The following PCDH9 variants were observed in gnomAD, a reference collection of about 807,000 sequenced individuals.
The protein encoded by PCDH9 is protocadherin-9.
Under a neutral mutation model 70.6 loss-of-function variants are expected in PCDH9, and 24 were observed. That is an observed-to-expected ratio of 0.34 (90% CI 0.25 to 0.48). PCDH9 has a LOEUF of 0.48. Ranked by LOEUF, PCDH9 falls within the 20% of genes least tolerant of loss-of-function variation. The probability of loss-of-function intolerance (pLI) is 0.99; values close to 1 mark genes in which losing one functional copy is unlikely to be tolerated. For missense variants in PCDH9, 1,281 were observed against 1,503.6 expected (o/e 0.85, Z 2.45); for synonymous variants, 562 against 558.5 (o/e 1.01, Z -0.09).
chr13:67,139,576 C>T (rs531591782), intron 2 of PCDH9, among the ~76,000 whole-genome samples: 12 of 152,252 alleles, frequency 7.9e-5, no homozygotes, highest in African/African-American at 2.6e-4. Flanking sequence ...TGTAAGATTT[C>T]GAACATATCT....
At position 67,062,296 on chromosome 13, in the gene PCDH9, C is replaced by T. The variant is rs558530777; in HGVS notation, c.3037-158691G>A. The stretch of plus-strand genomic sequence containing the variant: ...AAGCTTGTGACCTGTGTCCCAAATC[C>T]CTCAACATATTACAGGAAAAATTCC... On this transcript the variant is annotated intron_variant, in intron 2 of 4. Transcript: ENST00000377865. 3.3e-5 allele frequency among the ~76,000 whole-genome samples: 5 copies of T among 152,180 alleles called. No individual in the cohort carries two copies. In the South Asian group the frequency reaches 1.0e-3, roughly 32 times the overall value.
chr13:66,390,254 A>G (rs1228414735), intron 4 of PCDH9, among the ~76,000 whole-genome samples: 1 of 152,154 alleles, frequency 6.6e-6, no homozygotes, highest in African/African-American at 2.4e-5. Flanking sequence ...GTTACCATTA[A>G]TCTGAGAGAT....
At chr13:67,207,144 C>G (rs971442947) in intron 2 of PCDH9, 10 of 88,110 alleles carry the variant, frequency 1.1e-4, no homozygotes, top group Non-Finnish European at 2.2e-4. Flanking sequence ...AATAATGAAG[C>G]AAAAAAAAAA....
chr13:66,591,259 G>C (rs907130138), intron 4 of PCDH9, among the ~76,000 whole-genome samples: 5 of 151,510 alleles, frequency 3.3e-5, no homozygotes, highest in East Asian at 1.9e-4. Flanking sequence ...TGATATATTG[G>C]TTTACACAGA....
At chr13:66,393,760 G>A (rs1957058135) in intron 4 of PCDH9, among the ~76,000 whole-genome samples, 1 of 152,190 alleles carries the variant, frequency 6.6e-6, no homozygotes, top group Admixed American at 6.5e-5. Flanking sequence ...GTTTCCAGAG[G>A]TGATGCTTGA....
chr13:67,110,906 T>C (rs1470606133), intron 2 of PCDH9, among the ~76,000 whole-genome samples: 1 of 152,228 alleles, frequency 6.6e-6, no homozygotes, highest in Non-Finnish European at 1.5e-5. Context: ...TATCTGAAAT[T>C]ATACAAATTA....
chr13:66,575,556 G>A (rs1377211723), intron 4 of PCDH9, among the ~76,000 whole-genome samples: 2 of 152,192 alleles, frequency 1.3e-5, no homozygotes, highest in East Asian at 1.9e-4. Flanking sequence ...CAGTGAGTAC[G>A]CTCCAAACAC....
intron 4 of PCDH9, among the ~76,000 whole-genome samples, chr13:66,312,453 A>T (rs1016505887): frequency 2.0e-5 from 3 of 152,080 alleles, no homozygotes; most frequent in Non-Finnish European, 4.4e-5. Flanking sequence ...TCTACAAAAA[A>T]TACAAATATT....
At chr13:66,604,502 A>G (rs796074354) in intron 4 of PCDH9, among the ~76,000 whole-genome samples, 31 of 152,176 alleles carry the variant, frequency 2.0e-4, no homozygotes, top group African/African-American at 6.5e-4. Flanking sequence ...TTTCAGGTAC[A>G]TTTTAGATAT....
At chr13:66,875,432 T>C (rs990012128) in intron 3 of PCDH9, among the ~76,000 whole-genome samples, 5 of 152,198 alleles carry the variant, frequency 3.3e-5, no homozygotes. Flanking sequence ...ATCCCGCTGT[T>C]AGGTAAACAT....
At chr13:66,595,035 C>G (rs1360851226) in intron 4 of PCDH9, among the ~76,000 whole-genome samples, 1 of 150,328 alleles carries the variant, frequency 6.7e-6, no homozygotes, top group Non-Finnish European at 1.5e-5. Flanking sequence ...TTTTCTTTTC[C>G]CTCTCTAAAA....
intron 4 of PCDH9, among the ~76,000 whole-genome samples, chr13:66,326,836 T>C (rs1174865329): frequency 6.6e-6 from 1 of 150,686 alleles, no homozygotes; most frequent in Admixed American, 6.6e-5. Context: ...GAATTTAAGT[T>C]TAAAAAACTA....
At chr13:66,989,505 C>G (rs988413682) in intron 2 of PCDH9, among the ~76,000 whole-genome samples, 34 of 151,846 alleles carry the variant, frequency 2.2e-4, no homozygotes, top group African/African-American at 7.5e-4. Context: ...CTAATTTTAT[C>G]AAGTAATGAA....
chr13:66,915,912 G>A (rs1039495447), intron 2 of PCDH9, among the ~76,000 whole-genome samples: 2 of 151,564 alleles, frequency 1.3e-5, no homozygotes, highest in Non-Finnish European at 3.0e-5. Flanking sequence ...TGGAAACAGG[G>A]CTTGAAAATT....
chr13:67,000,032 C>A (rs1009833411), intron 2 of PCDH9, among the ~76,000 whole-genome samples: 4 of 152,074 alleles, frequency 2.6e-5, no homozygotes, highest in Admixed American at 2.0e-4. Flanking sequence ...CACATGCACA[C>A]GTATGTTTAT....
chr13:66,324,193 G>C (rs1172992785), intron 4 of PCDH9, among the ~76,000 whole-genome samples: 2 of 152,028 alleles, frequency 1.3e-5, no homozygotes, highest in African/African-American at 4.8e-5. Flanking sequence ...AAACCCATGA[G>C]GCTGGAGCTT....
At chr13:66,360,875 G>T (rs969533914) in intron 4 of PCDH9, among the ~76,000 whole-genome samples, 1 of 152,056 alleles carries the variant, frequency 6.6e-6, no homozygotes, top group African/African-American at 2.4e-5. Flanking sequence ...CAATTACCCA[G>T]CACTAGGTAA....
chr13:66,552,813 C>T (rs1402621541), intron 4 of PCDH9, among the ~76,000 whole-genome samples: 1 of 152,006 alleles, frequency 6.6e-6, no homozygotes, highest in Non-Finnish European at 1.5e-5. Context: ...TAAAGATATA[C>T]CCAAGCCTGG....
At chr13:66,471,366 G>T (rs2138482294) in intron 4 of PCDH9, among the ~76,000 whole-genome samples, 1 of 152,208 alleles carries the variant, frequency 6.6e-6, no homozygotes, top group East Asian at 1.9e-4. Flanking sequence ...CTATTTAATT[G>T]ATCTTACAGA....
Sources: gnomAD v4.1 joint callset for allele counts (sites outside exome capture counted in the v4.1 genomes callset) on GRCh38, gnomAD v4.1.1 for gene constraint, MANE v1.5 for transcripts, NCBI Gene and HGNC (gene_info 2026-07-23, HGNC 2026-07-21) for gene names.